EYS: variants seen among roughly 807,000 people sequenced by gnomAD.
The protein encoded by EYS is EGF-like photoreceptor maintenance factor, also known as protein eyes shut homolog.
A neutral mutation model predicts 282.1 loss-of-function variants in EYS; 250 were observed. The observed-to-expected ratio is 0.89, with a 90% confidence interval of 0.80 to 0.98. The LOEUF (loss-of-function observed/expected upper bound fraction) is 0.98, where lower values mean the gene tolerates loss of function less well. Ranked by LOEUF, EYS falls within the 50% of genes least tolerant of loss-of-function variation. The pLI is 0.00. For synonymous variants in EYS, 1,355 were observed against 1,282.9 expected, an observed-to-expected ratio of 1.06 and a Z score of -1.20; for missense variants, 4,016 against 3,709.0, an observed-to-expected ratio of 1.08 and a Z score of -2.15.
At chr6:65,081,178 A>G (rs915241889) in intron 12 of EYS, among the ~76,000 whole-genome samples, 1 of 152,090 alleles carries the variant, frequency 6.6e-6, no homozygotes, top group Admixed American at 6.6e-5. Flanking sequence ...AAATGAAAAT[A>G]ATATATGTGA....
chr6:65,033,964 TGGAGCTACTCAA>T (rs1772687261), intron 13 of EYS, among the ~76,000 whole-genome samples: 1 of 152,186 alleles, frequency 6.6e-6, no homozygotes, highest in Non-Finnish European at 1.5e-5. Flanking sequence ...GACAAAGCTG[TGGAGCTACTCAA>T]GGCCTTGAAA....
chr6:64,633,065 G>T lies in EYS; in HGVS notation c.3444-6820C>A, dbSNP rs1767846581. On this transcript the variant is annotated intron_variant, in intron 22 of 42. Transcript: ENST00000503581. ...TAGTGTTGTTTATATTATGTATCTT[G>T]AAGGTCATTTTAATTTAACATTTTT... Among the ~76,000 whole-genome samples the T allele has an allele frequency of 3.3e-5, 5 of 152,180 alleles. 1 individual carries two copies. In the South Asian group the frequency reaches 1.0e-3, roughly 32 times the overall value.
At chr6:65,574,968 C>A (rs2127355673) in intron 2 of EYS, among the ~76,000 whole-genome samples, 1 of 151,964 alleles carries the variant, frequency 6.6e-6, no homozygotes, top group South Asian at 2.1e-4. Context: ...AGAGAAATTT[C>A]AAAAAAGAAT....
At chr6:65,340,924 C>T (rs1770176431) in intron 10 of EYS, among the ~76,000 whole-genome samples, 1 of 151,066 alleles carries the variant, frequency 6.6e-6, no homozygotes, top group Non-Finnish European at 1.5e-5. Context: ...ACTGGATATT[C>T]TCTCCAACTG....
chr6:64,072,121 A>C (rs1396801116), intron 32 of EYS, among the ~76,000 whole-genome samples: 1 of 152,004 alleles, frequency 6.6e-6, no homozygotes, highest in Admixed American at 6.6e-5. Context: ...AAAATAGATT[A>C]AGTCAATATT....
intron 35 of EYS, among the ~76,000 whole-genome samples, chr6:63,930,464 A>C (rs1581990334): frequency 6.6e-6 from 1 of 152,310 alleles, no homozygotes; most frequent in Middle Eastern, 3.4e-3. Flanking sequence ...GTGTGCTATG[A>C]TTACTGTTCT....
At chr6:64,912,414 A>G in intron 16 of EYS, 70 bp downstream of exon 16, 1 of 1,422,630 alleles carries the variant, frequency 7.0e-7, no homozygotes. Context: ...CCATCATCCC[A>G]TAGGCACAAT....
intron 12 of EYS, among the ~76,000 whole-genome samples, chr6:65,079,659 G>T (rs1392524314): frequency 1.3e-5 from 2 of 151,774 alleles, no homozygotes; most frequent in Non-Finnish European, 2.9e-5. Flanking sequence ...TGCATATGTG[G>T]CTCGCGTAAT....
chr6:65,105,873 A>G (rs1030626085), intron 12 of EYS, among the ~76,000 whole-genome samples: 1 of 151,952 alleles, frequency 6.6e-6, no homozygotes, highest in African/African-American at 2.4e-5. Flanking sequence ...TTAATTGAAG[A>G]GCATAAATCT....
At chr6:63,929,122 T>C (rs528285987) in intron 35 of EYS, among the ~76,000 whole-genome samples, 1 of 152,362 alleles carries the variant, frequency 6.6e-6, no homozygotes, top group African/African-American at 2.4e-5. Context: ...TCATCAATAA[T>C]GTTTACTTAT....
At chr6:64,236,982 T>C (rs1383561093) in intron 30 of EYS, among the ~76,000 whole-genome samples, 1 of 152,112 alleles carries the variant, frequency 6.6e-6, no homozygotes, top group Admixed American at 6.6e-5. Flanking sequence ...CCCCAGATCC[T>C]GGCATCATAA....
chr6:65,352,126 C>T (rs1342609), intron 9 of EYS, among the ~76,000 whole-genome samples: 102,253 of 151,656 alleles, frequency 0.67, 34,572 homozygotes, highest in South Asian at 0.72. Flanking sequence ...GAACTGATAA[C>T]TATTTCTGTC....
intron 28 of EYS, among the ~76,000 whole-genome samples, chr6:64,421,859 G>GT (rs58189202): frequency 0.12 from 14,796 of 123,506 alleles, 834 homozygotes; most frequent in Middle Eastern, 0.14. Flanking sequence ...TTTGTTTGGG[G>GT]GGTGTGTGTG....
At chr6:63,768,953 A>G (rs1769865076) in intron 40 of EYS, among the ~76,000 whole-genome samples, 1 of 152,152 alleles carries the variant, frequency 6.6e-6, no homozygotes, top group Admixed American at 6.6e-5. Context: ...CATTATCTTA[A>G]GCAAACTAAC....
At chr6:65,011,516 A>G (rs541641829) in intron 13 of EYS, among the ~76,000 whole-genome samples, 32 of 152,260 alleles carry the variant, frequency 2.1e-4, no homozygotes, top group Non-Finnish European at 3.7e-4. Flanking sequence ...GACATTGAAG[A>G]CACCCCTCCC....
At chr6:65,040,390 C>CA (rs1246616357) in intron 13 of EYS, among the ~76,000 whole-genome samples, 2 of 151,684 alleles carry the variant, frequency 1.3e-5, no homozygotes, top group Non-Finnish European at 3.0e-5. Flanking sequence ...CTTTCATCTT[C>CA]ATATGGAGGT....
intron 33 of EYS, among the ~76,000 whole-genome samples, chr6:64,011,626 AT>A (rs373425275): frequency 4.7e-5 from 7 of 147,930 alleles, no homozygotes; most frequent in African/African-American, 7.5e-5. Flanking sequence ...GAACGTATGG[AT>A]TTTTTTTTCT....
intron 35 of EYS, among the ~76,000 whole-genome samples, chr6:63,869,189 G>A (rs1230120118): frequency 6.6e-6 from 1 of 152,024 alleles, no homozygotes; most frequent in African/African-American, 2.4e-5. Context: ...AAGGGTAAGA[G>A]CAAATAAAAG....
intron 12 of EYS, among the ~76,000 whole-genome samples, chr6:65,181,726 A>C (rs923399807): frequency 6.6e-6 from 1 of 152,186 alleles, no homozygotes; most frequent in Non-Finnish European, 1.5e-5. Flanking sequence ...CCAAAGGAAT[A>C]TAAATCATGC....
Sources: gnomAD v4.1 joint callset for allele counts (sites outside exome capture counted in the v4.1 genomes callset) on GRCh38, gnomAD v4.1.1 for gene constraint, MANE v1.5 for transcripts, NCBI Gene and HGNC (gene_info 2026-07-23, HGNC 2026-07-21) for gene names.